Variants in MYB observed in about 807,000 individuals in gnomAD.
The protein encoded by MYB is MYB proto-oncogene, transcription factor.
In MYB, 28 loss-of-function variants were observed where a neutral mutation model predicts 92.9. The observed-to-expected ratio is 0.30, with a 90% CI of 0.22 to 0.41. The LOEUF is 0.41. Ranked by LOEUF, MYB falls within the 10% of genes least tolerant of loss-of-function variation. The probability of loss-of-function intolerance (pLI) is 1.00; values close to 1 mark genes in which losing one functional copy is unlikely to be tolerated. For missense variants in MYB, 679 were observed against 929.3 expected (o/e 0.73, Z 3.50); for synonymous variants, 295 against 329.1 (o/e 0.90, Z 1.12).
At chr6:135,196,147 T>C (rs1475591782) in intron 9 of MYB, 145 bp downstream of exon 9, 4 of 895,610 alleles carry the variant, frequency 4.5e-6, no homozygotes, top group Non-Finnish European at 6.6e-6. Context: ...TCTTCATGAA[T>C]ATGTTTTTTC....
rs1776470684 is a variant in MYB, at chr6:135,190,375, TC to T, written c.527+29del. ...AATAATATGTCAAAAAATATATTGA[TC>T]GGGAAGAATGAGGGAGTGGGTATTG... On this transcript the variant is annotated intron_variant, in intron 5 of 15. Coordinates refer to ENST00000341911, the MANE Select transcript of MYB (RefSeq NM_001130173.2). The surrounding 1 kb of genome is among the most constrained non-coding windows in gnomAD (Gnocchi z 4.5). 6.4e-7 allele frequency: 1 copy of T among 1,564,892 alleles called. No individual in the cohort carries two copies. The highest frequency in any genetic ancestry group is 1.4e-5 in the African/African-American group (1 of 73,786).
At chr6:135,217,293 C>T (rs1370748654) in intron 15 of MYB, among the ~76,000 whole-genome samples, 3 of 151,498 alleles carry the variant, frequency 2.0e-5, no homozygotes, top group African/African-American at 7.3e-5. Flanking sequence ...CACTTGAGCC[C>T]AGGAGGCTGA....
intron 8 of MYB, chr6:135,195,332 AAAGCAACTCTAACTC>A: frequency 6.6e-6 from 1 of 151,824 alleles, no homozygotes; most frequent in Non-Finnish European, 1.4e-5. Flanking sequence ...TGTGTAGATC[AAAGCAACTCTAACTC>A]CTGAGTCCTC....
intron 1 of MYB, 96 bp from the exon 2 acceptor site, chr6:135,185,807 A>G: frequency 1.0e-6 from 1 of 986,830 alleles, no homozygotes; most frequent in Non-Finnish European, 1.6e-6. Context: ...ATAACCTTTG[A>G]AAAGATTGTT....
At chr6:135,187,018 T>C (rs1186320843) in intron 2 of MYB, among the ~76,000 whole-genome samples, 1 of 152,214 alleles carries the variant, frequency 6.6e-6, no homozygotes, top group Admixed American at 6.5e-5. Context: ...TGGATAATCC[T>C]TATGATACGG....
chr6:135,199,114 T>TA, intron 11 of MYB, 64 bp downstream of exon 11: 1 of 1,328,982 alleles, frequency 7.5e-7, no homozygotes, highest in Non-Finnish European at 1.0e-6. Flanking sequence ...TAATGGAATA[T>TA]AGTTCCCAGA....
In MYB at chr6:135,218,043, C is replaced by A; in HGVS notation, c.*63C>A. ...TCAAGTTGACTTGGGATATATCATT[C>A]CTCAACATGAAACTTTTCATGAATG... On this transcript the variant is annotated 3_prime_UTR_variant, in exon 16 of 16. Transcript: ENST00000341911. 5 of 1,299,984 alleles carry A rather than the reference C, an allele frequency of 3.8e-6. No homozygotes were observed. Among genetic ancestry groups the A allele is most frequent in the South Asian group, 1.2e-5 (1 of 83,958 alleles). 80.5% of individuals were successfully genotyped at this position (1,299,984 alleles called of 1,614,324 possible).
intron 15 of MYB, among the ~76,000 whole-genome samples, chr6:135,212,930 A>G (rs768112614): frequency 6.6e-6 from 1 of 152,240 alleles, no homozygotes; most frequent in Non-Finnish European, 1.5e-5. Flanking sequence ...GGCTTCAGGT[A>G]AGATGGGAGA....
At chr6:135,206,217 A>T (rs1778865461) in intron 15 of MYB, among the ~76,000 whole-genome samples, 1 of 144,094 alleles carries the variant, frequency 6.9e-6, no homozygotes, top group African/African-American at 2.5e-5. Flanking sequence ...AAAAAAAAAA[A>T]AAAAAAAAAA....
intron 3 of MYB, among the ~76,000 whole-genome samples, chr6:135,189,000 C>T (rs1776311399): frequency 6.6e-6 from 1 of 152,208 alleles, no homozygotes; most frequent in South Asian, 2.1e-4. Context: ...TTCCTGCTTC[C>T]TCTCTCTAAG....
At position 135,194,438 on chromosome 6, in the gene MYB, TAAA is replaced by T; in HGVS notation, c.928_930del (p.Lys310del). ...CTCCTAATGTCAACCGAGAATGAGC[TAAA>T]AGGACAGCAGGTGCTACCAGTAAGA... On this transcript the variant is annotated inframe_deletion, in exon 8 of 16. Transcript: ENST00000341911. 1 of 1,613,606 alleles carries T rather than the reference TAAA, an allele frequency of 6.2e-7. No individual in the cohort carries two copies. The highest frequency in any genetic ancestry group is 8.5e-7 in the Non-Finnish European group (1 of 1,179,638).
intron 15 of MYB, among the ~76,000 whole-genome samples, chr6:135,211,252 A>T (rs1265049013): frequency 6.7e-6 from 1 of 150,022 alleles, no homozygotes; most frequent in Admixed American, 6.7e-5. Context: ...CCTTTTGGTC[A>T]CTTTTTTCCA....
At chr6:135,214,525 T>C (rs1055338885) in intron 15 of MYB, among the ~76,000 whole-genome samples, 3 of 152,206 alleles carry the variant, frequency 2.0e-5, no homozygotes, top group African/African-American at 4.8e-5. Context: ...CTACAAGATA[T>C]TATGATATTA....
chr6:135,212,913 G>T (rs572687191), intron 15 of MYB, among the ~76,000 whole-genome samples: 6 of 152,180 alleles, frequency 3.9e-5, no homozygotes, highest in Non-Finnish European at 8.8e-5. Flanking sequence ...TTGGCATGGG[G>T]CTCCCAGGCT....
At chr6:135,195,043 A>G in intron 8 of MYB, 1 of 1,327,518 alleles carries the variant, frequency 7.5e-7, no homozygotes, top group Non-Finnish European at 9.9e-7. Context: ...CAACATACAT[A>G]GTTAACCAAC....
intron 15 of MYB, among the ~76,000 whole-genome samples, chr6:135,214,700 C>A (rs527575776): frequency 6.6e-6 from 1 of 152,220 alleles, no homozygotes; most frequent in South Asian, 2.1e-4. Context: ...ACTGTTGTAG[C>A]GACTACAAAT....
chr6:135,187,239 C>A (rs1171942875), intron 2 of MYB, among the ~76,000 whole-genome samples: 3 of 152,176 alleles, frequency 2.0e-5, no homozygotes, highest in Non-Finnish European at 4.4e-5. Context: ...TCTGGCCTAT[C>A]TAAATCTAAC....
intron 15 of MYB, among the ~76,000 whole-genome samples, chr6:135,211,537 T>G (rs1037102297): frequency 6.6e-6 from 1 of 152,152 alleles, no homozygotes; most frequent in African/African-American, 2.4e-5. Context: ...AAGATAGAAT[T>G]GCTTTAGAGC....
At chr6:135,204,223 C>T (rs978530973) in intron 15 of MYB, among the ~76,000 whole-genome samples, 4 of 152,226 alleles carry the variant, frequency 2.6e-5, no homozygotes, top group African/African-American at 7.2e-5. Flanking sequence ...GTGATAGTTT[C>T]TCCTTCCAAA....
Sources: gnomAD v4.1 joint callset for allele counts (sites outside exome capture counted in the v4.1 genomes callset) on GRCh38, gnomAD v4.1.1 for gene constraint, Gnocchi (gnomAD v3.1) non-coding constraint, MANE v1.5 for transcripts, NCBI Gene and HGNC (gene_info 2026-07-23, HGNC 2026-07-21) for gene names.